Variants in KNG1 observed in about 807,000 individuals in gnomAD.
The protein encoded by KNG1 is kininogen 1, also known as kininogen-1.
KNG1 carries 23 observed loss-of-function variants against 47.8 expected under a neutral mutation model. The ratio of observed to expected loss-of-function variants is 0.48; its 90% CI spans 0.35 to 0.68. KNG1 has a LOEUF of 0.68. Among genes scored for constraint, KNG1 ranks in the 30% least tolerant of loss-of-function variants. The pLI, the probability that KNG1 is intolerant of heterozygous loss-of-function variation, is 0.01. For synonymous variants in KNG1, 277 were observed against 277.0 expected, an observed-to-expected ratio of 1.00 and a Z score of 0.00; for missense variants, 762 against 790.2, an observed-to-expected ratio of 0.96 and a Z score of 0.43.
At chr3:186,724,868 AAATTTTGT>A (rs1282214455) in intron 3 of KNG1, among the ~76,000 whole-genome samples, 1 of 151,624 alleles carries the variant, frequency 6.6e-6, no homozygotes, top group African/African-American at 2.4e-5. Context: ...TTTGTATTTT[AAATTTTGT>A]AATTTTGTAT....
chr3:186,720,533 G>A (rs903185634), intron 2 of KNG1: 1 of 354,652 alleles, frequency 2.8e-6, no homozygotes, highest in Admixed American at 4.1e-5. Context: ...GCGAGGGGAG[G>A]GGGTGGGTGC....
In KNG1 at chr3:186,741,038, G is replaced by C. The variant is rs1720797518; in HGVS notation, c.1126-484G>C. Reference sequence around the variant, plus strand: ...TTTTTGACAGAGTCACTGTCGCCTAGGCTGGAGTGCAGTGGCGCCATCTCA... The same window carrying C: ...TTTTTGACAGAGTCACTGTCGCCTACGCTGGAGTGCAGTGGCGCCATCTCA... On this transcript the variant is annotated intron_variant, in intron 9 of 9. Transcript: ENST00000644859. Among the ~76,000 whole-genome samples the C allele has an allele frequency of 4.0e-5, 6 of 151,630 alleles. No homozygotes were observed. The South Asian group carries it at 1.2e-3, about 31-fold the overall frequency.
chr3:186,730,671 AAAAAAAAAAAAAATATATATATATAT>A (rs1720493373), intron 5 of KNG1, among the ~76,000 whole-genome samples: 4 of 38,706 alleles, frequency 1.0e-4, no homozygotes, highest in Admixed American at 4.0e-4. Context: ...AAAAAAAAAA[AAAAAAAAAAAAAATATATATATATAT>A]ATATATATAT....
intron 2 of KNG1, chr3:186,722,117 CAAAAAAAAAAA>C (rs56170982): frequency 2.3e-4 from 33 of 143,112 alleles, no homozygotes; most frequent in Admixed American, 7.1e-4. Flanking sequence ...CACTCTGTCT[CAAAAAAAAAAA>C]AAAAAAAAAA....
chr3:186,738,917 C>G, intron 7 of KNG1, 182 bp from the exon 8 acceptor site: 1 of 594,576 alleles, frequency 1.7e-6, no homozygotes. Flanking sequence ...ATGGGACCAA[C>G]CGATAGCCAA....
intron 5 of KNG1, among the ~76,000 whole-genome samples, chr3:186,730,699 T>C (rs1579122152): frequency 1.6e-4 from 4 of 25,144 alleles, no homozygotes; most frequent in Admixed American, 6.9e-4. Flanking sequence ...TATATATATA[T>C]ATATATATAT....
intron 9 of KNG1, 88 bp downstream of exon 9, chr3:186,739,502 A>G: frequency 1.1e-6 from 1 of 880,266 alleles, no homozygotes; most frequent in Non-Finnish European, 1.9e-6. Flanking sequence ...CATTACTGAA[A>G]TGAATTGGGG....
At chr3:186,739,519 C>A in intron 9 of KNG1, 105 bp downstream of exon 9, 1 of 799,260 alleles carries the variant, frequency 1.3e-6, no homozygotes, top group Non-Finnish European at 2.2e-6. Flanking sequence ...GGGGAGCTAT[C>A]TTTTTTAAAT....
At chr3:186,734,989 T>C (rs1314861922) in intron 7 of KNG1, among the ~76,000 whole-genome samples, 2 of 152,220 alleles carry the variant, frequency 1.3e-5, no homozygotes, top group African/African-American at 4.8e-5. Flanking sequence ...ACTGATACTT[T>C]GATCTCTCTG....
chr3:186,737,355 T>C (rs1720696156), intron 7 of KNG1, among the ~76,000 whole-genome samples: 1 of 152,038 alleles, frequency 6.6e-6, no homozygotes, highest in Admixed American at 6.5e-5. Context: ...TGATTCTATA[T>C]CATAGTTTTC....
rs1720013440 is a variant in KNG1, at chr3:186,717,481, C to T, written c.-62C>T. The T allele has an allele frequency of 8.3e-7, 1 of 1,199,452 alleles. No individual in the cohort carries two copies. The highest frequency in any genetic ancestry group is 1.7e-5 in the Admixed American group (1 of 59,466). The allele number at this position is 1,199,452 out of a possible 1,614,324, so 74.3% of individuals were successfully genotyped here. On this transcript the variant is annotated 5_prime_UTR_variant, in exon 1 of 10. Transcript: ENST00000644859. ...GCTGGAGATTGTCAAATTCAGTATC[C>T]CAGTTGGCTCTTGATTCTTGGTGAA...
At chr3:186,730,729 CATATATATAT>C (rs566826761) in intron 5 of KNG1, among the ~76,000 whole-genome samples, 1 of 46,756 alleles carries the variant, frequency 2.1e-5, no homozygotes. Context: ...CACACACACA[CATATATATAT>C]ACACATATAT....
intron 1 of KNG1, chr3:186,717,943 C>G (rs1720046167): frequency 2.0e-6 from 1 of 503,166 alleles, no homozygotes; most frequent in East Asian, 3.5e-5. Flanking sequence ...CCCACCACCA[C>G]CCACCACCAT....
intron 7 of KNG1, among the ~76,000 whole-genome samples, chr3:186,733,401 C>A (rs1197463823): frequency 2.0e-5 from 3 of 152,152 alleles, no homozygotes; most frequent in Non-Finnish European, 4.4e-5. Context: ...TCAGTCAATC[C>A]ATCATTGCCA....
rs548190569 is a variant in KNG1 at position 186,741,429 on chromosome 3, A to G, written c.1126-93A>G. 2.9e-5 allele frequency: 34 copies of G among 1,170,432 alleles called. No homozygotes were observed. The South Asian group carries it at 4.5e-4, about 15-fold the overall frequency. 72.5% of individuals were successfully genotyped at this position (1,170,432 alleles called of 1,614,324 possible). A position where few individuals can be genotyped will look rare whatever the true frequency, so the allele number is the denominator to read the frequency against. On this transcript the variant is annotated intron_variant, in intron 9 of 9. Transcript: ENST00000644859. The stretch of plus-strand genomic sequence containing the variant: ...CTGGCAAACACCTCCCCCATTGTAA[A>G]CTAAGATAACATTGCCAGATCTCAG...
chr3:186,737,987 T>C (rs1000311612), intron 7 of KNG1, among the ~76,000 whole-genome samples: 21 of 150,112 alleles, frequency 1.4e-4, no homozygotes, highest in African/African-American at 5.2e-4. Context: ...AATTTTTTTT[T>C]CTTTTTGAGA....
rs761095864 is a variant in KNG1, at chr3:186,725,154, G to A, written c.458G>A (p.Ser153Asn). 1 of 1,614,118 alleles carries A rather than the reference G, an allele frequency of 6.2e-7. No homozygotes were observed. Among genetic ancestry groups the A allele is most frequent in the Non-Finnish European group, 8.5e-7 (1 of 1,180,024 alleles). The change falls in exon 4 of 10, where the codon AGC (serine) becomes AAC (asparagine). Residue 153 changes from serine to asparagine, a missense_variant. Physicochemically the swap from Ser to Asn is conservative, Grantham distance 46 (BLOSUM62 1). Transcript: ENST00000644859. Reference protein sequence around the residue: ...LGCVHPISTQSPDLEPILRHG... With the variant: ...LGCVHPISTQNPDLEPILRHG... ...TGTGTGCATCCTATATCAACGCAGA[G>A]CCCAGACCTGGAGCCCATTCTGAGA...
chr3:186,735,648 A>T (rs1720654986), intron 7 of KNG1, among the ~76,000 whole-genome samples: 1 of 151,406 alleles, frequency 6.6e-6, no homozygotes, highest in Admixed American at 6.6e-5. Context: ...AAAGAATTAA[A>T]AAATTAGCTG....
At chr3:186,721,374 C>T (rs1720192478) in intron 2 of KNG1, 1 of 152,272 alleles carries the variant, frequency 6.6e-6, no homozygotes. Context: ...TGTGCTTTAT[C>T]CTGATGGAAT....
Sources: gnomAD v4.1 joint callset for allele counts (sites outside exome capture counted in the v4.1 genomes callset) on GRCh38, gnomAD v4.1.1 for gene constraint, MANE v1.5 for transcripts, NCBI Gene and HGNC (gene_info 2026-07-23, HGNC 2026-07-21) for gene names.